The following TNNI1 variants were observed in gnomAD, a reference collection of about 807,000 sequenced individuals.
The protein encoded by TNNI1 is troponin I, slow skeletal muscle.
A neutral mutation model predicts 26.7 loss-of-function variants in TNNI1; 14 were observed. That is an observed-to-expected ratio of 0.52 (90% CI 0.35 to 0.82). TNNI1 has a LOEUF of 0.82. Ranked by LOEUF, TNNI1 falls within the 40% of genes least tolerant of loss-of-function variation. The probability of loss-of-function intolerance (pLI) is 0.01; values close to 1 mark genes in which losing one functional copy is unlikely to be tolerated. For synonymous variants in TNNI1, 79 were observed against 98.2 expected, an observed-to-expected ratio of 0.80 and a Z score of 1.16; for missense variants, 164 against 257.0, an observed-to-expected ratio of 0.64 and a Z score of 2.47.
chr1:201,411,308 G>C lies in TNNI1; in HGVS notation c.456+49C>G. 3 of 1,601,592 alleles carry C rather than the reference G, an allele frequency of 1.9e-6. No homozygotes were observed. Among genetic ancestry groups the C allele is most frequent in the Non-Finnish European group, 2.6e-6 (3 of 1,174,564 alleles). ...AGGCCATGTGAGGGGTTGACAAGGGGAAAGCTGGTAGGGCAGAGGGTGGAA... is the reference window on the plus strand; with the variant it reads ...AGGCCATGTGAGGGGTTGACAAGGGCAAAGCTGGTAGGGCAGAGGGTGGAA... On this transcript the variant is annotated intron_variant, in intron 7 of 8. Transcript: ENST00000361379. This position sits in a 1 kb window ranked among gnomAD's most constrained non-coding sequence, Gnocchi z 4.6.
intron 8 of TNNI1, chr1:201,409,892 A>G (rs1173657323): frequency 6.4e-6 from 1 of 155,984 alleles, no homozygotes; most frequent in African/African-American, 2.4e-5. Flanking sequence ...AAAGTCAGAG[A>G]TGAAGGGATC....
intron 7 of TNNI1, among the ~76,000 whole-genome samples, chr1:201,410,663 A>C (rs1221455277): frequency 6.6e-6 from 1 of 152,200 alleles, no homozygotes; most frequent in Non-Finnish European, 1.5e-5. Flanking sequence ...TGAAAGTGGC[A>C]GCTATGGGGC....
chr1:201,406,624 G>A lies in TNNI1; in HGVS notation c.*2629C>T, dbSNP rs566934840. ...GGCCCCAGCTCCCAGCTCTACTGGTGTTGTCTCCATGGTGAGAGAAGACTG... is the reference window on the plus strand; with the variant it reads ...GGCCCCAGCTCCCAGCTCTACTGGTATTGTCTCCATGGTGAGAGAAGACTG... On this transcript the variant is annotated 3_prime_UTR_variant, in exon 9 of 9. Coordinates refer to ENST00000361379, the MANE Select transcript of TNNI1 (RefSeq NM_003281.4). The A allele has an allele frequency of 2.0e-5, 3 of 152,272 alleles. No homozygotes were observed. In the South Asian group the frequency reaches 6.2e-4, roughly 32 times the overall value. The allele number at this position is 152,272 out of a possible 1,614,324, so 9.4% of individuals were successfully genotyped here. A position where few individuals can be genotyped will look rare whatever the true frequency, so the allele number is the denominator to read the frequency against.
In TNNI1 at chr1:201,408,734, C is replaced by T. The variant is rs1662575579; in HGVS notation, c.*519G>A. 1 of 152,332 alleles carries T rather than the reference C, an allele frequency of 6.6e-6. No individual in the cohort carries two copies. The highest frequency in any genetic ancestry group is 2.1e-4 in the South Asian group (1 of 4,820). The allele number at this position is 152,332 out of a possible 1,614,324, so 9.4% of individuals were successfully genotyped here. ...GGACCCTGGCAAGCAGCCACCAATTCCTTAGCCCTCCCTTCAGATCCCGAG... is the reference window on the plus strand; with the variant it reads ...GGACCCTGGCAAGCAGCCACCAATTTCTTAGCCCTCCCTTCAGATCCCGAG... On this transcript the variant is annotated 3_prime_UTR_variant, in exon 9 of 9. Coordinates refer to ENST00000361379, the MANE Select transcript of TNNI1 (RefSeq NM_003281.4).
At chr1:201,418,495 A>T (rs867042292) in intron 1 of TNNI1, among the ~76,000 whole-genome samples, 51 of 149,074 alleles carry the variant, frequency 3.4e-4, no homozygotes, top group African/African-American at 1.1e-3. Context: ...AATAAGTGAG[A>T]GTGTAGCTCA....
At chr1:201,410,112 C>A (rs758281039) in intron 8 of TNNI1, 3 of 503,752 alleles carry the variant, frequency 6.0e-6, no homozygotes, top group East Asian at 6.4e-5. Context: ...ATAATGGGAA[C>A]AAAAAGGGCC....
rs527808002 is a variant in TNNI1, at chr1:201,405,501, CA to C, written c.*3751del. 4.2e-4 allele frequency: 64 copies of C among 152,972 alleles called. No homozygotes were observed. The highest frequency in any genetic ancestry group is 1.5e-3 in the African/African-American group (63 of 41,570). The allele number at this position is 152,972 out of a possible 1,614,324, so 9.5% of individuals were successfully genotyped here. A position where few individuals can be genotyped will look rare whatever the true frequency, so the allele number is the denominator to read the frequency against. On this transcript the variant is annotated 3_prime_UTR_variant, in exon 9 of 9. Transcript: ENST00000361379. ...CCTGGGCTTCCGCAGCTTGGTCACCCACCTGGAACGAAGCTAACCCCCCCGC... is the reference window on the plus strand; with the variant it reads ...CCTGGGCTTCCGCAGCTTGGTCACCCCCTGGAACGAAGCTAACCCCCCCGC...
At position 201,414,557 on chromosome 1, in the gene TNNI1, G is replaced by A; in HGVS notation, c.150C>T (p.Pro50=). The change falls in exon 5 of 9, where the codon CCC becomes CCT. Residue 50 remains proline, a synonymous_variant. Coordinates refer to ENST00000361379, the MANE Select transcript of TNNI1 (RefSeq NM_003281.4). ...EKVRYLAERI[P]TLQTRGLSLS... ...GGGACAGGCCACGGGTCTGCAGCGT[G>A]GGGATGCGCTCTGCCAGGTAGCGCA... The A allele has an allele frequency of 1.2e-6, 2 of 1,612,924 alleles. No individual in the cohort carries two copies. The highest frequency in any genetic ancestry group is 1.1e-5 in the South Asian group (1 of 90,868).
chr1:201,412,973 C>T (rs1367462660), intron 6 of TNNI1, 59 bp downstream of exon 6: 21 of 1,541,898 alleles, frequency 1.4e-5, no homozygotes, highest in East Asian at 1.4e-4. Context: ...CTGCTGCATC[C>T]GTGCCCATGC....
At chr1:201,410,919 G>T in intron 7 of TNNI1, among the ~76,000 whole-genome samples, 1 of 152,208 alleles carries the variant, frequency 6.6e-6, no homozygotes, top group Admixed American at 6.5e-5. Context: ...CATATACTGT[G>T]AATTCAACCA....
At chr1:201,412,950 G>A in intron 6 of TNNI1, 82 bp downstream of exon 6, 5 of 1,403,772 alleles carry the variant, frequency 3.6e-6, no homozygotes, top group Non-Finnish European at 5.0e-6. Context: ...TGGAAGGAGG[G>A]GACCTCCCAT....
At chr1:201,410,005 G>T in intron 8 of TNNI1, 1 of 225,122 alleles carries the variant, frequency 4.4e-6, no homozygotes, top group Admixed American at 5.5e-5. Flanking sequence ...GATCTGGGGT[G>T]GGGGCTGATC....
intron 7 of TNNI1, 64 bp from the exon 8 acceptor site, chr1:201,410,499 A>T: frequency 7.0e-7 from 1 of 1,425,560 alleles, no homozygotes; most frequent in East Asian, 2.3e-5. Context: ...GCTCAAGAGA[A>T]GCTGGGTGAT....
intron 1 of TNNI1, among the ~76,000 whole-genome samples, chr1:201,420,588 T>C (rs1275708773): frequency 1.3e-5 from 2 of 151,960 alleles, no homozygotes; most frequent in African/African-American, 4.8e-5. Context: ...AGTGTGAGTG[T>C]GAGAGAGAGA....
At chr1:201,409,705 G>A (rs544779070) in intron 8 of TNNI1, among the ~76,000 whole-genome samples, 8 of 152,290 alleles carry the variant, frequency 5.3e-5, no homozygotes, top group East Asian at 1.9e-4. Context: ...AGGGTTTTAC[G>A]TGGCCTGATT....
At position 201,414,524 on chromosome 1, in the gene TNNI1, G is replaced by A; in HGVS notation, c.183C>T (p.Ala61=). ...CCCCACCTGCCAGGCTAACCTGCAG[G>A]GCACTGAGGGACAGGCCACGGGTCT... is the stretch of plus-strand genomic sequence containing the variant. The part of the protein sequence containing the change: ...TLQTRGLSLS[A]LQDLCRELHA... Residue 61 remains alanine, a synonymous_variant, in exon 5 of 9, where the codon GCC becomes GCT. Transcript: ENST00000361379. The A allele has an allele frequency of 6.3e-7, 1 of 1,596,662 alleles. No homozygotes were observed. The highest frequency in any genetic ancestry group is 8.5e-7 in the Non-Finnish European group (1 of 1,170,372).
At position 201,406,893 on chromosome 1, in the gene TNNI1, A is replaced by T. The variant is rs149860638; in HGVS notation, c.*2360T>A. On this transcript the variant is annotated 3_prime_UTR_variant, in exon 9 of 9. Transcript: ENST00000361379. ...AGGAGGAACCCGATGACCTCCAGGA[A>T]CCCTCTGGTTGGCTCTTCTGCCCCT... 990 of 152,308 alleles carry T rather than the reference A, an allele frequency of 6.5e-3. 5 individuals are homozygous for T. The highest frequency in any genetic ancestry group is 0.012 in the Admixed American group (182 of 15,308). 9.4% of individuals were successfully genotyped at this position (152,308 alleles called of 1,614,324 possible).
chr1:201,416,196 G>T (rs1470302670), intron 3 of TNNI1, among the ~76,000 whole-genome samples: 1 of 152,206 alleles, frequency 6.6e-6, no homozygotes, highest in Non-Finnish European at 1.5e-5. Flanking sequence ...TGGTTGGTTT[G>T]TCTTTTCCTC....
At position 201,407,772 on chromosome 1, in the gene TNNI1, T is replaced by A. The variant is rs1662547835; in HGVS notation, c.*1481A>T. Reference sequence around the variant, plus strand: ...TGAAAAGTCAGAACTTGACCGGATGTGGTCGCTCACACCTGTAATCCCAGA... The same window carrying A: ...TGAAAAGTCAGAACTTGACCGGATGAGGTCGCTCACACCTGTAATCCCAGA... On this transcript the variant is annotated 3_prime_UTR_variant, in exon 9 of 9. Coordinates refer to ENST00000361379, the MANE Select transcript of TNNI1 (RefSeq NM_003281.4). The A allele has an allele frequency of 6.6e-6, 1 of 152,132 alleles. No homozygotes were observed. The highest frequency in any genetic ancestry group is 1.5e-5 in the Non-Finnish European group (1 of 68,052). 9.4% of individuals were successfully genotyped at this position (152,132 alleles called of 1,614,324 possible). A position where few individuals can be genotyped will look rare whatever the true frequency, so the allele number is the denominator to read the frequency against.
Sources: gnomAD v4.1 joint callset for allele counts (sites outside exome capture counted in the v4.1 genomes callset) on GRCh38, gnomAD v4.1.1 for gene constraint, Gnocchi (gnomAD v3.1) non-coding constraint, MANE v1.5 for transcripts, NCBI Gene and HGNC (gene_info 2026-07-23, HGNC 2026-07-21) for gene names.